GORASP2: variants seen among roughly 807,000 people sequenced by gnomAD.
GORASP2 encodes golgi reassembly stacking protein 2, also known as Golgi reassembly-stacking protein 2.
GORASP2 carries 22 observed loss-of-function variants against 45.7 expected under a neutral mutation model. The observed-to-expected ratio is 0.48, with a 90% CI of 0.34 to 0.69. The LOEUF is 0.69. Among genes scored for constraint, GORASP2 ranks in the 30% least tolerant of loss-of-function variants. GORASP2 has a pLI of 0.01. For missense variants in GORASP2, 491 were observed against 562.7 expected (o/e 0.87, Z 1.29); for synonymous variants, 221 against 215.6 (o/e 1.02, Z -0.22).
chr2:170,939,077 C>T (rs1416002532), intron 1 of GORASP2, among the ~76,000 whole-genome samples: 1 of 152,164 alleles, frequency 6.6e-6, no homozygotes, highest in African/African-American at 2.4e-5. Context: ...AAACAAATCC[C>T]TAAGTTATTT....
chr2:170,941,251 A>G (rs1704071264), intron 1 of GORASP2, among the ~76,000 whole-genome samples: 1 of 152,170 alleles, frequency 6.6e-6, no homozygotes, highest in South Asian at 2.1e-4. Context: ...TTGGTAATAT[A>G]TCTTTTTATA....
In GORASP2 at chr2:170,954,499, G is replaced by GT. The variant is rs1704375492; in HGVS notation, c.567-146dup. 7 of 622,576 alleles carry GT rather than the reference G, an allele frequency of 1.1e-5. No individual in the cohort carries two copies. In the South Asian group the frequency reaches 1.5e-4, roughly 13 times the overall value. The allele number at this position is 622,576 out of a possible 1,614,324, so 38.6% of individuals were successfully genotyped here. A position where few individuals can be genotyped will look rare whatever the true frequency, so the allele number is the denominator to read the frequency against. On this transcript the variant is annotated intron_variant, in intron 5 of 9. Transcript: ENST00000234160. ...TATCTAAAAGAATAGAAATTTGTTT[G>GT]TTTTTATCTTTTAAAATCTCAAAGA...
intron 1 of GORASP2, among the ~76,000 whole-genome samples, chr2:170,930,984 A>AG (rs1413740483): frequency 8.3e-6 from 1 of 120,674 alleles, no homozygotes; most frequent in Non-Finnish European, 2.0e-5. Context: ...AAAAAAAAAA[A>AG]AAAAAAGTCG....
intron 7 of GORASP2, among the ~76,000 whole-genome samples, chr2:170,959,170 C>T (rs966274876): frequency 6.6e-6 from 1 of 151,936 alleles, no homozygotes; most frequent in Non-Finnish European, 1.5e-5. Context: ...CCATGTTGGC[C>T]AGGCTGGTCT....
Position 170,948,390 on chromosome 2 carries a change from C to T in GORASP2, c.104C>T (p.Pro35Leu), listed in dbSNP as rs920881146. The T allele has an allele frequency of 3.8e-6, 6 of 1,599,428 alleles. No individual in the cohort carries two copies. The highest frequency in any genetic ancestry group is 3.4e-6 in the Non-Finnish European group (4 of 1,168,472). Residue 35 changes from proline to leucine, a missense_variant, in exon 2 of 10, where the codon CCT (proline) becomes CTT (leucine). Coordinates refer to ENST00000234160, the MANE Select transcript of GORASP2 (RefSeq NM_015530.5). ...NSPGHRAGLEPFFDFIVSING... is the reference protein window; with the variant it reads ...NSPGHRAGLELFFDFIVSING... Reference sequence around the variant, plus strand: ...CCAGGACACAGAGCTGGTTTGGAGCCTTTCTTTGATTTTATTGTTTCTATT... The same window carrying T: ...CCAGGACACAGAGCTGGTTTGGAGCTTTTCTTTGATTTTATTGTTTCTATT...
chr2:170,962,769 A>T (rs1575480842), intron 8 of GORASP2, 70 bp from the exon 9 acceptor site: 2 of 1,016,168 alleles, frequency 2.0e-6, no homozygotes. Flanking sequence ...GATTGTTTTT[A>T]ATACACGAGG....
chr2:170,952,995 GAGGGAAGA>G (rs1274161460), intron 5 of GORASP2, among the ~76,000 whole-genome samples: 3 of 152,148 alleles, frequency 2.0e-5, no homozygotes, highest in East Asian at 1.9e-4. Context: ...TTTTGATTGT[GAGGGAAGA>G]AGGGAAGAAG....
chr2:170,953,655 A>C (rs776971901), intron 5 of GORASP2, among the ~76,000 whole-genome samples: 47 of 152,242 alleles, frequency 3.1e-4, no homozygotes, highest in Non-Finnish European at 6.6e-4. Flanking sequence ...TTTGGGTTCA[A>C]ATGGTAAAAA....
chr2:170,935,746 T>C (rs1237228242), intron 1 of GORASP2, among the ~76,000 whole-genome samples: 2 of 151,932 alleles, frequency 1.3e-5, no homozygotes, highest in Non-Finnish European at 2.9e-5. Flanking sequence ...AGCTAATTTT[T>C]TGTATTTTCG....
At chr2:170,950,147 C>T (rs1156986801) in intron 3 of GORASP2, 57 bp from the exon 4 acceptor site, 2 of 847,958 alleles carry the variant, frequency 2.4e-6, no homozygotes, top group African/African-American at 3.6e-5. Context: ...GGACTATAAA[C>T]CTTGGAAGAT....
At chr2:170,935,657 C>T (rs1477610287) in intron 1 of GORASP2, among the ~76,000 whole-genome samples, 1 of 151,410 alleles carries the variant, frequency 6.6e-6, no homozygotes. Flanking sequence ...ACTGCAGCCT[C>T]CAACTCCCAG....
At chr2:170,964,002 C>T (rs1002520739) in intron 9 of GORASP2, among the ~76,000 whole-genome samples, 1 of 152,136 alleles carries the variant, frequency 6.6e-6, no homozygotes, top group African/African-American at 2.4e-5. Flanking sequence ...GAATATTCTC[C>T]ATTATTTACA....
chr2:170,939,068 A>C (rs1262418916), intron 1 of GORASP2, among the ~76,000 whole-genome samples: 2 of 152,228 alleles, frequency 1.3e-5, no homozygotes, highest in Non-Finnish European at 2.9e-5. Context: ...TTCCCTAAGA[A>C]ACAAATCCCT....
chr2:170,959,143 G>A (rs527441176), intron 7 of GORASP2, among the ~76,000 whole-genome samples: 1 of 151,484 alleles, frequency 6.6e-6, no homozygotes, highest in South Asian at 2.1e-4. Context: ...TGTATTTTTA[G>A]TAGAGACGGG....
At chr2:170,960,523 T>C (rs375246477) in intron 7 of GORASP2, among the ~76,000 whole-genome samples, 46 of 152,244 alleles carry the variant, frequency 3.0e-4, no homozygotes, top group African/African-American at 7.5e-4. Flanking sequence ...AAGAAACTTA[T>C]GTGAAAGACT....
chr2:170,929,029 G>A (rs191417047), upstream of GORASP2: 1 of 309,868 alleles, frequency 3.2e-6, no homozygotes, highest in Admixed American at 5.1e-5. Context: ...CGCCAAAGCT[G>A]GGGGAAGCGC....
At chr2:170,955,982 T>A (rs1474305106) in intron 6 of GORASP2, among the ~76,000 whole-genome samples, 1 of 152,246 alleles carries the variant, frequency 6.6e-6, no homozygotes, top group African/African-American at 2.4e-5. Context: ...AATGCACTCA[T>A]GAGGTTGGAA....
intron 9 of GORASP2, among the ~76,000 whole-genome samples, chr2:170,963,473 C>CCCT (rs947340628): frequency 9.4e-5 from 12 of 127,642 alleles, no homozygotes; most frequent in Middle Eastern, 3.8e-3. Flanking sequence ...CTCCTCCTCC[C>CCCT]CCTCCTCCTC....
At chr2:170,928,939 T>G (rs1703743621), upstream of GORASP2, 1 of 169,588 alleles carries the variant, frequency 5.9e-6, no homozygotes, top group African/African-American at 2.4e-5. Flanking sequence ...CAGGGGGACC[T>G]GCAACCAAGT....
Sources: gnomAD v4.1 joint callset for allele counts (sites outside exome capture counted in the v4.1 genomes callset) on GRCh38, gnomAD v4.1.1 for gene constraint, MANE v1.5 for transcripts, NCBI Gene and HGNC (gene_info 2026-07-23, HGNC 2026-07-21) for gene names.